VAV1: variants seen among roughly 807,000 people sequenced by gnomAD.
The protein encoded by VAV1 is proto-oncogene vav.
In VAV1, 33 loss-of-function variants were observed where a neutral mutation model predicts 128.1. The ratio of observed to expected loss-of-function variants is 0.26; its 90% CI spans 0.20 to 0.34. The LOEUF (loss-of-function observed/expected upper bound fraction) is 0.34, where lower values mean the gene tolerates loss of function less well. VAV1 is among the 10% of genes least tolerant of loss of function. The probability of loss-of-function intolerance (pLI) is 1.00; values close to 1 mark genes in which losing one functional copy is unlikely to be tolerated. For synonymous variants in VAV1, 394 were observed against 409.8 expected (o/e 0.96, Z 0.47); for missense variants, 715 against 1,093.7 (o/e 0.65, Z 4.88).
Position 6,833,834 on chromosome 19 carries a change from T to C in VAV1, c.1732-74T>C. On this transcript the variant is annotated intron_variant, in intron 18 of 26. Coordinates refer to ENST00000602142, the MANE Select transcript of VAV1 (RefSeq NM_005428.4). ...GAACTGGGCAGGATCCTTTGTGGGGTGAGGAGAGTAAGGGGGCCTACAAGC... is the reference window on the plus strand; with the variant it reads ...GAACTGGGCAGGATCCTTTGTGGGGCGAGGAGAGTAAGGGGGCCTACAAGC... The C allele has an allele frequency of 2.5e-6, 4 of 1,612,668 alleles. No homozygotes were observed. In the African/African-American group the frequency reaches 5.4e-5, roughly 22 times the overall value.
rs2144778356 is a variant in VAV1 at position 6,826,138 on chromosome 19, G to A, written c.828-474G>A. 6.6e-6 allele frequency among the ~76,000 whole-genome samples: 1 copy of A among 152,190 alleles called. No individual in the cohort carries two copies. The highest frequency in any genetic ancestry group is 2.1e-4 in the South Asian group (1 of 4,816). On this transcript the variant is annotated intron_variant, in intron 8 of 26. Coordinates refer to ENST00000602142, the MANE Select transcript of VAV1 (RefSeq NM_005428.4). This position sits in a 1 kb window ranked among gnomAD's most constrained non-coding sequence, Gnocchi z 4.1. ...AGATCACTTGAGGTCAGGAGTTCGA[G>A]ACCAGCCTGGCCAACATGGCAAAAC...
chr19:6,816,242 G>T (rs935081129), intron 1 of VAV1, among the ~76,000 whole-genome samples: 2 of 151,912 alleles, frequency 1.3e-5, no homozygotes, highest in African/African-American at 4.8e-5. Flanking sequence ...GGATGGTCTC[G>T]ATCTCCTGAC....
At chr19:6,852,892 T>A (rs1972702846) in intron 24 of VAV1, 73 bp from the exon 25 acceptor site, 1 of 1,254,548 alleles carries the variant, frequency 8.0e-7, no homozygotes. Context: ...GAGTTGCATA[T>A]GGCTGTTCCT....
At chr19:6,773,265 G>A (rs1297640284) in intron 1 of VAV1, among the ~76,000 whole-genome samples, 1 of 152,148 alleles carries the variant, frequency 6.6e-6, no homozygotes, top group Non-Finnish European at 1.5e-5. Context: ...TGGCAAACTA[G>A]GGGTTAACTC....
intron 1 of VAV1, among the ~76,000 whole-genome samples, chr19:6,803,861 A>T (rs1053941024): frequency 6.6e-6 from 1 of 152,112 alleles, no homozygotes. Context: ...CACTGCTCCC[A>T]GCGCAGACAA....
chr19:6,814,671 C>CCTTCCTTCCTTTCTTTCTTT, intron 1 of VAV1, among the ~76,000 whole-genome samples: 4 of 25,792 alleles, frequency 1.6e-4, no homozygotes, highest in African/African-American at 3.2e-4. Context: ...TTCCTTCCTT[C>CCTTCCTTCCTTTCTTTCTTT]CTTTCTTTCT....
chr19:6,850,567 T>G, intron 23 of VAV1, 103 bp from the exon 24 acceptor site: 1 of 1,065,700 alleles, frequency 9.4e-7, no homozygotes, highest in Non-Finnish European at 1.4e-6. Flanking sequence ...TTCCAGTAGT[T>G]ACTCCTCCCT....
intron 1 of VAV1, among the ~76,000 whole-genome samples, chr19:6,796,292 C>T (rs749595885): frequency 4.6e-5 from 7 of 152,120 alleles, no homozygotes; most frequent in Non-Finnish European, 7.3e-5. Context: ...GCTTCAAAAT[C>T]ATTTATTTGT....
At position 6,777,986 on chromosome 19, in the gene VAV1, G is replaced by C. The variant is rs1013954700; in HGVS notation, c.204+4975G>C. 3.3e-5 allele frequency among the ~76,000 whole-genome samples: 5 copies of C among 151,926 alleles called. No individual in the cohort carries two copies. The highest frequency in any genetic ancestry group is 1.2e-4 in the African/African-American group (5 of 41,366). ...TGGCTAATTTCTGTTGCCCAGGCTG[G>C]AGTACAGTGGCATGATCTTGGCTCA... On this transcript the variant is annotated intron_variant, in intron 1 of 26. Transcript: ENST00000602142. The surrounding 1 kb of genome is among the most constrained non-coding windows in gnomAD (Gnocchi z 4.4).
chr19:6,788,561 G>C (rs1970947027), intron 1 of VAV1, among the ~76,000 whole-genome samples: 1 of 151,960 alleles, frequency 6.6e-6, no homozygotes, highest in Admixed American at 6.6e-5. Context: ...ATTTTTAGTA[G>C]AGACGGGGTT....
chr19:6,822,471 A>G lies in VAV1; in HGVS notation c.611A>G (p.Gln204Arg). Residue 204 changes from glutamine to arginine, a missense_variant, in exon 6 of 27, where the codon CAG becomes CGG. Transcript: ENST00000602142. This position sits in a 1 kb window ranked among gnomAD's most constrained non-coding sequence, Gnocchi z 5.9. Reference protein sequence around the residue: ...KRCCCLREIQQTEEKYTDTLG... With the variant: ...KRCCCLREIQRTEEKYTDTLG... ...TGCTGCTGCCTGCGGGAGATCCAGC[A>G]GACGGAGGAGAAGTACACTGACACG... The G allele has an allele frequency of 6.4e-7, 1 of 1,560,498 alleles. No individual in the cohort carries two copies. The highest frequency in any genetic ancestry group is 8.7e-7 in the Non-Finnish European group (1 of 1,154,366).
intron 1 of VAV1, among the ~76,000 whole-genome samples, chr19:6,775,094 C>T (rs1013133026): frequency 4.6e-5 from 7 of 152,066 alleles, no homozygotes; most frequent in East Asian, 1.9e-4. Context: ...CAGGGGATTA[C>T]ACTGTCCTCA....
At chr19:6,789,254 TTTC>T (rs974203991) in intron 1 of VAV1, among the ~76,000 whole-genome samples, 11 of 151,672 alleles carry the variant, frequency 7.3e-5, no homozygotes, top group African/African-American at 2.7e-4. Flanking sequence ...TTCTCTCTCC[TTTC>T]TTCTTTTTTT....
chr19:6,782,899 A>G (rs553605381), intron 1 of VAV1, among the ~76,000 whole-genome samples: 2 of 150,248 alleles, frequency 1.3e-5, no homozygotes, highest in Admixed American at 1.3e-4. Flanking sequence ...AAAAAAAAAA[A>G]GGCCAGGTGC....
intron 1 of VAV1, among the ~76,000 whole-genome samples, chr19:6,783,459 TCA>T: frequency 7.0e-6 from 1 of 143,826 alleles, no homozygotes; most frequent in Non-Finnish European, 1.5e-5. Flanking sequence ...AGTGGCGCCA[TCA>T]CCTCCATCCT....
At chr19:6,839,567 T>C (rs577403814) in intron 21 of VAV1, among the ~76,000 whole-genome samples, 188 of 150,730 alleles carry the variant, frequency 1.2e-3, no homozygotes, top group Non-Finnish European at 1.5e-3. Flanking sequence ...CACGCCCGGC[T>C]GGGTATGGCA....
At chr19:6,816,101 G>A (rs1044007345) in intron 1 of VAV1, among the ~76,000 whole-genome samples, 1 of 148,580 alleles carries the variant, frequency 6.7e-6, no homozygotes, top group Non-Finnish European at 1.5e-5. Context: ...CTCACTGCAA[G>A]CTCCGCCTCC....
intron 1 of VAV1, among the ~76,000 whole-genome samples, chr19:6,789,066 C>T (rs1466671057): frequency 6.6e-6 from 1 of 152,174 alleles, no homozygotes; most frequent in Non-Finnish European, 1.5e-5. Context: ...TATCTCCAGA[C>T]ATTGCCAAAT....
At chr19:6,839,873 G>A (rs533145438) in intron 21 of VAV1, among the ~76,000 whole-genome samples, 3 of 151,684 alleles carry the variant, frequency 2.0e-5, no homozygotes, top group East Asian at 3.9e-4. Flanking sequence ...TGTATTTTTC[G>A]TAGCGATGGG....
Sources: allele counts gnomAD v4.1 joint callset (sites outside exome capture counted in the v4.1 genomes callset), GRCh38; gene constraint gnomAD v4.1.1; non-coding constraint Gnocchi (gnomAD v3.1); transcripts MANE v1.5; gene names NCBI Gene and HGNC (gene_info 2026-07-23, HGNC 2026-07-21).